The following PIBF1 variants were observed in gnomAD, a reference collection of about 807,000 sequenced individuals.
PIBF1 encodes progesterone immunomodulatory binding factor 1.
Under a neutral mutation model 112.5 loss-of-function variants are expected in PIBF1, and 90 were observed. That is an observed-to-expected ratio of 0.80 (90% CI 0.67 to 0.95). The LOEUF (loss-of-function observed/expected upper bound fraction) is 0.95. PIBF1 is among the 40% of genes least tolerant of loss of function. The pLI, the probability that PIBF1 is intolerant of heterozygous loss-of-function variation, is 0.00. For synonymous variants in PIBF1, 301 were observed against 288.6 expected, an observed-to-expected ratio of 1.04 and a Z score of -0.44; for missense variants, 915 against 852.3, an observed-to-expected ratio of 1.07 and a Z score of -0.92.
At chr13:72,825,227 T>G (rs1374211006) in intron 6 of PIBF1, among the ~76,000 whole-genome samples, 3 of 152,166 alleles carry the variant, frequency 2.0e-5, no homozygotes, top group Non-Finnish European at 4.4e-5. Flanking sequence ...TTGACAAAAT[T>G]TGAAAATGGA....
At chr13:72,902,033 CAT>C (rs1051875680) in intron 11 of PIBF1, among the ~76,000 whole-genome samples, 12 of 31,506 alleles carry the variant, frequency 3.8e-4, no homozygotes, top group African/African-American at 1.1e-3. Flanking sequence ...TATACACACA[CAT>C]GATGGAATAC....
At chr13:72,962,584 G>A (rs975769747) in intron 14 of PIBF1, among the ~76,000 whole-genome samples, 18 of 147,544 alleles carry the variant, frequency 1.2e-4, no homozygotes, top group Middle Eastern at 6.9e-3. Context: ...GTGACAGAGT[G>A]AGTCCCTGTC....
At chr13:72,821,616 A>T (rs2036560177) in intron 5 of PIBF1, among the ~76,000 whole-genome samples, 1 of 152,168 alleles carries the variant, frequency 6.6e-6, no homozygotes, top group South Asian at 2.1e-4. Context: ...TTGTTGTGTT[A>T]TTTATTTGAA....
chr13:72,963,805 A>G (rs894056601), intron 14 of PIBF1, among the ~76,000 whole-genome samples: 3 of 152,192 alleles, frequency 2.0e-5, no homozygotes, highest in African/African-American at 7.2e-5. Flanking sequence ...AAGAAGATAT[A>G]CAAATGCCCA....
At chr13:72,802,019 C>T (rs983246880) in intron 5 of PIBF1, among the ~76,000 whole-genome samples, 1 of 143,390 alleles carries the variant, frequency 7.0e-6, no homozygotes, top group Non-Finnish European at 1.5e-5. Context: ...AATGTTTTCT[C>T]TAGCTTTTAT....
intron 15 of PIBF1, among the ~76,000 whole-genome samples, chr13:72,971,995 G>C (rs1350522232): frequency 3.4e-5 from 5 of 145,758 alleles, no homozygotes; most frequent in African/African-American, 1.3e-4. Context: ...CTAAAGATTA[G>C]TGGCTTTCAT....
intron 17 of PIBF1, among the ~76,000 whole-genome samples, chr13:73,015,311 G>A (rs1457067249): frequency 6.6e-6 from 1 of 152,190 alleles, no homozygotes; most frequent in South Asian, 2.1e-4. Context: ...ACTTTGACTG[G>A]AATCAGTGAA....
chr13:72,805,501 G>A (rs562329411), intron 5 of PIBF1, among the ~76,000 whole-genome samples: 48 of 152,280 alleles, frequency 3.2e-4, no homozygotes, highest in Admixed American at 2.7e-3. Flanking sequence ...TTATTCAAAA[G>A]ATCTTCATAA....
Position 73,015,317 on chromosome 13 carries a change from G to C in PIBF1, c.2224-552G>C, listed in dbSNP as rs1394818824. 2.0e-5 allele frequency among the ~76,000 whole-genome samples: 3 copies of C among 152,224 alleles called. No homozygotes were observed. The East Asian group carries it at 5.8e-4, about 29-fold the overall frequency. On this transcript the variant is annotated intron_variant, in intron 17 of 17. Transcript: ENST00000326291. Reference sequence around the variant, plus strand: ...AAAATAGGAACTTTGACTGGAATCAGTGAAGTTCTGAATGTTTTATTCTGT... The same window carrying C: ...AAAATAGGAACTTTGACTGGAATCACTGAAGTTCTGAATGTTTTATTCTGT...
intron 14 of PIBF1, among the ~76,000 whole-genome samples, chr13:72,963,689 A>C (rs187206090): frequency 1.3e-5 from 2 of 152,282 alleles, no homozygotes; most frequent in East Asian, 3.9e-4. Flanking sequence ...ATATCTAATA[A>C]GACTATATTA....
chr13:72,894,771 TAG>T (rs1491466563), intron 11 of PIBF1, among the ~76,000 whole-genome samples: 15 of 96,150 alleles, frequency 1.6e-4, no homozygotes, highest in African/African-American at 6.3e-4. Context: ...TATATATATA[TAG>T]TGTGTGTGTG....
chr13:72,877,237 G>T (rs1452578335), intron 10 of PIBF1, among the ~76,000 whole-genome samples: 1 of 152,088 alleles, frequency 6.6e-6, no homozygotes, highest in African/African-American at 2.4e-5. Flanking sequence ...AATCCCACTT[G>T]GTTGTGGTGT....
chr13:72,890,981 C>A (rs551210808), intron 10 of PIBF1, among the ~76,000 whole-genome samples: 118 of 152,188 alleles, frequency 7.8e-4, no homozygotes, highest in African/African-American at 2.7e-3. Context: ...TTTTACAAAG[C>A]TTCAGTTTAT....
At chr13:72,978,364 A>G (rs1303413645) in intron 16 of PIBF1, among the ~76,000 whole-genome samples, 1 of 152,218 alleles carries the variant, frequency 6.6e-6, no homozygotes, top group Non-Finnish European at 1.5e-5. Flanking sequence ...TGCTGATAAG[A>G]GTTAAATAAC....
At chr13:72,803,223 A>G (rs2035565415) in intron 5 of PIBF1, among the ~76,000 whole-genome samples, 1 of 151,800 alleles carries the variant, frequency 6.6e-6, no homozygotes, top group Non-Finnish European at 1.5e-5. Context: ...GGAGCCAGGG[A>G]AGGCTTGTTT....
chr13:72,941,758 T>C lies in PIBF1; in HGVS notation c.1833+10491T>C, dbSNP rs115590914. On this transcript the variant is annotated intron_variant, in intron 14 of 17. Coordinates refer to ENST00000326291, the MANE Select transcript of PIBF1 (RefSeq NM_006346.4). The stretch of plus-strand genomic sequence containing the variant: ...AAAGTAGACCTATATGTATTAACTT[T>C]GAAAGAAATTTATACTGTATTGATG... Among the ~76,000 whole-genome samples the C allele has an allele frequency of 1.5e-3, 231 of 152,326 alleles. 4 individuals are homozygous for C. Among genetic ancestry groups the C allele is most frequent in the African/African-American group, 5.3e-3 (219 of 41,580 alleles).
chr13:72,935,580 A>G (rs1428132716), intron 14 of PIBF1, among the ~76,000 whole-genome samples: 2 of 152,196 alleles, frequency 1.3e-5, no homozygotes, highest in African/African-American at 4.8e-5. Flanking sequence ...TGGCCGGATC[A>G]TATCGTAGGT....
intron 14 of PIBF1, among the ~76,000 whole-genome samples, chr13:72,957,823 C>G (rs1400643703): frequency 6.6e-6 from 1 of 151,870 alleles, no homozygotes; most frequent in Admixed American, 6.6e-5. Flanking sequence ...GTGGCGCACA[C>G]CTATAGTCCC....
chr13:73,010,810 C>CTTTTTTTTATTTTTTTT (rs2044175490), intron 17 of PIBF1, among the ~76,000 whole-genome samples: 1 of 40,280 alleles, frequency 2.5e-5, no homozygotes, highest in Non-Finnish European at 4.4e-5. Context: ...ATTAACTTTT[C>CTTTTTTTTATTTTTTTT]TTTTTTTTTT....
Sources: allele counts gnomAD v4.1 joint callset (sites outside exome capture counted in the v4.1 genomes callset), GRCh38; gene constraint gnomAD v4.1.1; transcripts MANE v1.5; gene names NCBI Gene and HGNC (gene_info 2026-07-23, HGNC 2026-07-21).